Variants in NBPF15 observed in about 807,000 individuals in gnomAD.
The protein encoded by NBPF15 is NBPF member 15, also known as NBPF family member NBPF15.
Under a neutral mutation model 62.2 loss-of-function variants are expected in NBPF15, and 74 were observed. That is an observed-to-expected ratio of 1.19 (90% confidence interval 0.99 to 1.44). The LOEUF (loss-of-function observed/expected upper bound fraction) is 1.44. NBPF15 is among the 40% of genes most tolerant of loss of function. The pLI, the probability that NBPF15 is intolerant of heterozygous loss-of-function variation, is 0.00. For missense variants in NBPF15, 790 were observed against 550.0 expected (o/e 1.44, Z -4.36); for synonymous variants, 244 against 209.7 (o/e 1.16, Z -1.41).
intron 6 of NBPF15, among the ~76,000 whole-genome samples, chr1:144,441,911 T>C (rs1250228976): frequency 6.7e-6 from 1 of 149,044 alleles, no homozygotes; most frequent in Non-Finnish European, 1.5e-5. Context: ...TTAAAACATT[T>C]AGAAGCGGCG....
At position 144,442,978 on chromosome 1, in the gene NBPF15, G is replaced by A. The variant is rs1280445983; in HGVS notation, c.-190-2683C>T. Reference sequence around the variant, plus strand: ...CATCAACAAGTAATGTTATGAAATGGCCTCCCACCTTCAGCGTTCCCAGTA... The same window carrying A: ...CATCAACAAGTAATGTTATGAAATGACCTCCCACCTTCAGCGTTCCCAGTA... On this transcript the variant is annotated intron_variant, in intron 6 of 21. Transcript: ENST00000581897. 6.6e-3 allele frequency: 1,347 copies of A among 203,960 alleles called. 22 individuals carry two copies. The highest frequency in any genetic ancestry group is 0.043 in the Middle Eastern group (17 of 392). 12.6% of individuals were successfully genotyped at this position (203,960 alleles called of 1,614,324 possible). A position where few individuals can be genotyped will look rare whatever the true frequency, so the allele number is the denominator to read the frequency against.
At chr1:144,453,364 C>T in intron 4 of NBPF15, among the ~76,000 whole-genome samples, 1 of 151,724 alleles carries the variant, frequency 6.6e-6, no homozygotes, top group East Asian at 1.9e-4. Flanking sequence ...AGGTGCAAAA[C>T]CATAAGAATC....
chr1:144,440,010 G>T lies in NBPF15; in HGVS notation c.-7C>A. The stretch of plus-strand genomic sequence containing the variant: ...GGCCGGCTGATACCACCATGCTGAC[G>T]TTTGTGGCAGAAGAGGTGGAGTCAG... On this transcript the variant is annotated 5_prime_UTR_variant, in exon 8 of 22. Transcript: ENST00000581897. 1 of 1,606,578 alleles carries T rather than the reference G, an allele frequency of 6.2e-7. No individual in the cohort carries two copies. Among genetic ancestry groups the T allele is most frequent in the South Asian group, 1.1e-5 (1 of 90,848 alleles).
chr1:144,426,392 T>C lies in NBPF15; in HGVS notation c.1324A>G (p.Arg442Gly), dbSNP rs1368147645. 6.0e-6 allele frequency: 5 copies of C among 827,950 alleles called. No homozygotes were observed. The East Asian group carries it at 9.7e-5, about 16-fold the overall frequency. The allele number at this position is 827,950 out of a possible 1,614,324, so 51.3% of individuals were successfully genotyped here. A position where few individuals can be genotyped will look rare whatever the true frequency, so the allele number is the denominator to read the frequency against. The change falls in exon 18 of 22, where the codon AGA (arginine) becomes GGA (glycine). Residue 442 changes from arginine to glycine, a missense_variant. Arg to Gly is a moderately radical substitution (Grantham distance 125, BLOSUM62 -2). Coordinates refer to ENST00000581897, the MANE Select transcript of NBPF15 (RefSeq NM_001385408.1). The part of the protein sequence containing the change: ...EPEVLQDSLD[R>G]CYSTPSDYLE... ...TAATCTGAAGGAGTCGAATAACATC[T>C]ATCCAGTGAGTCCTGCAAGACTTCA...
intron 9 of NBPF15, among the ~76,000 whole-genome samples, 165 bp from the exon 10 acceptor site, chr1:144,437,274 G>T (rs1471468974): frequency 2.0e-5 from 3 of 151,662 alleles, no homozygotes; most frequent in African/African-American, 7.3e-5. Context: ...ATAGAAAATG[G>T]TTTACAGGCT....
In NBPF15 at chr1:144,428,009, G is replaced by T. The variant is rs1228495416; in HGVS notation, c.1041-19C>A. On this transcript the variant is annotated intron_variant, in intron 15 of 21. Coordinates refer to ENST00000581897, the MANE Select transcript of NBPF15 (RefSeq NM_001385408.1). ...GCTGAGCCTGGAAAAGTGGGAAAAA[G>T]TAAAGAATAAGCCAGGGGGAATCAG... 2.8e-4 allele frequency: 212 copies of T among 755,184 alleles called. 7 individuals are homozygous for T. The highest frequency in any genetic ancestry group is 4.9e-4 in the Non-Finnish European group (198 of 406,584). The allele number at this position is 755,184 out of a possible 1,614,324, so 46.8% of individuals were successfully genotyped here.
At chr1:144,428,017 T>G (rs1333225015) in intron 15 of NBPF15, 27 bp from the exon 16 acceptor site, 21 of 760,762 alleles carry the variant, frequency 2.8e-5, no homozygotes, top group Non-Finnish European at 4.9e-5. Flanking sequence ...AAGTAAAGAA[T>G]AAGCCAGGGG....
chr1:144,457,151 G>A, intron 3 of NBPF15, among the ~76,000 whole-genome samples: 1 of 151,728 alleles, frequency 6.6e-6, no homozygotes, highest in Non-Finnish European at 1.5e-5. Context: ...ACTCCAGCCT[G>A]GGGGAAAAAA....
At position 144,426,444 on chromosome 1, in the gene NBPF15, G is replaced by C. The variant is rs1553539271; in HGVS notation, c.1272C>G (p.Ser424Arg). The C allele has an allele frequency of 2.5e-6, 2 of 790,388 alleles. No homozygotes were observed. Among genetic ancestry groups the C allele is most frequent in the Non-Finnish European group, 4.6e-6 (2 of 432,108 alleles). The allele number at this position is 790,388 out of a possible 1,614,324, so 49.0% of individuals were successfully genotyped here. Residue 424 changes from serine to arginine, a missense_variant, in exon 18 of 22, where the codon AGC (serine) becomes AGG (arginine). Physicochemically the swap from Ser to Arg is moderately radical, Grantham distance 110 (BLOSUM62 -1). Transcript: ENST00000581897. ...EDQDPSCPRL[S>R]RELLDEKEPE... Reference sequence around the variant, plus strand: ...GCTCTTTCTCATCCAGCAGCTCCCTGCTGAGCCTGGAAAAGTAGGAAAAAG... The same window carrying C: ...GCTCTTTCTCATCCAGCAGCTCCCTCCTGAGCCTGGAAAAGTAGGAAAAAG...
chr1:144,451,238 G>A (rs1455289691), intron 4 of NBPF15, among the ~76,000 whole-genome samples: 2 of 151,792 alleles, frequency 1.3e-5, no homozygotes, highest in African/African-American at 2.4e-5. Flanking sequence ...ACATCTCAAT[G>A]CCTTAAAGAG....
At position 144,423,045 on chromosome 1, in the gene NBPF15, C is replaced by T. The variant is rs782739043; in HGVS notation, c.1981G>A (p.Val661Met). ...GGGAATATGACTCCCATCTGGAACA[C>T]CAGGTGGAGACTTGTCACCGTCAAA... ...FTLTVTSLHL[V>M]FQMGVIFPQ The change falls in exon 22 of 22, where the codon GTG becomes ATG. Residue 661 changes from valine (V) to methionine (M), a missense_variant. By Grantham distance (21) the Val-to-Met change is conservative. Transcript: ENST00000581897. The T allele has an allele frequency of 9.5e-5, 153 of 1,611,474 alleles. 2 individuals are homozygous for T. The Middle Eastern group carries it at 1.1e-3, about 12-fold the overall frequency.
chr1:144,444,967 C>A (rs1449433190), intron 6 of NBPF15, among the ~76,000 whole-genome samples: 2 of 151,712 alleles, frequency 1.3e-5, no homozygotes, highest in Admixed American at 6.6e-5. Context: ...AGGAGCCATA[C>A]CATTTTTCAT....
chr1:144,448,385 C>T (rs1553544755), intron 6 of NBPF15, among the ~76,000 whole-genome samples: 2 of 151,996 alleles, frequency 1.3e-5, no homozygotes, highest in African/African-American at 4.8e-5. Context: ...TCTTGGGTTG[C>T]TGCACTCACA....
At chr1:144,443,139 G>A (rs1241570441) in intron 6 of NBPF15, 3 of 153,708 alleles carry the variant, frequency 2.0e-5, no homozygotes, top group Admixed American at 1.3e-4. Flanking sequence ...TGGGCTGGGG[G>A]CCAGGGATAG....
intron 2 of NBPF15, 71 bp downstream of exon 2, chr1:144,460,772 C>T (rs2102958041): frequency 6.8e-6 from 1 of 147,200 alleles, no homozygotes; most frequent in African/African-American, 2.5e-5. Flanking sequence ...TCTAACAAGC[C>T]AGAAAGACAG....
At chr1:144,447,642 A>T (rs1688532865) in intron 6 of NBPF15, among the ~76,000 whole-genome samples, 1 of 151,840 alleles carries the variant, frequency 6.6e-6, no homozygotes, top group Admixed American at 6.6e-5. Context: ...ACAAAAGGAG[A>T]ATACTAGCTA....
chr1:144,457,205 T>C (rs1346727739), intron 3 of NBPF15, among the ~76,000 whole-genome samples: 1 of 152,014 alleles, frequency 6.6e-6, no homozygotes, highest in African/African-American at 2.4e-5. Context: ...CAGGGAAGTT[T>C]TCACAAAGTA....
At chr1:144,442,102 G>GTA (rs1182526404) in intron 6 of NBPF15, among the ~76,000 whole-genome samples, 32 of 100,672 alleles carry the variant, frequency 3.2e-4, no homozygotes, top group African/African-American at 8.7e-4. Context: ...TGGCACACGT[G>GTA]TATATATATA....
chr1:144,439,610 A>T (rs61812386), intron 8 of NBPF15, among the ~76,000 whole-genome samples: 1 of 151,980 alleles, frequency 6.6e-6, no homozygotes. Context: ...TGGCAGTTTA[A>T]CTCTAGTCCC....
Sources: allele counts gnomAD v4.1 joint callset (sites outside exome capture counted in the v4.1 genomes callset), GRCh38; gene constraint gnomAD v4.1.1; transcripts MANE v1.5; gene names NCBI Gene and HGNC (gene_info 2026-07-23, HGNC 2026-07-21).